The following DSTYK variants were observed in gnomAD, a reference collection of about 807,000 sequenced individuals.
DSTYK encodes the protein dual serine/threonine and tyrosine protein kinase.
DSTYK carries 34 observed loss-of-function variants against 98.7 expected under a neutral mutation model. The ratio of observed to expected loss-of-function variants is 0.34; its 90% confidence interval spans 0.26 to 0.46. The LOEUF (loss-of-function observed/expected upper bound fraction) is 0.46. DSTYK is among the 20% of genes least tolerant of loss of function. The pLI, the probability that DSTYK is intolerant of heterozygous loss-of-function variation, is 1.00. For missense variants in DSTYK, 962 were observed against 1,181.7 expected, an observed-to-expected ratio of 0.81 and a Z score of 2.73; for synonymous variants, 462 against 457.3, an observed-to-expected ratio of 1.01 and a Z score of -0.13.
intron 5 of DSTYK, 134 bp from the exon 6 acceptor site, chr1:205,162,346 A>G: frequency 9.3e-7 from 1 of 1,077,026 alleles, no homozygotes. Context: ...ACGAAGTCCA[A>G]AGTTCCTTTC....
At chr1:205,152,090 C>T (rs188869728) in intron 10 of DSTYK, among the ~76,000 whole-genome samples, 7 of 152,302 alleles carry the variant, frequency 4.6e-5, no homozygotes, top group Admixed American at 3.3e-4. Flanking sequence ...ACACGAGCAT[C>T]ACATGTGTAT....
At chr1:205,159,804 G>C in intron 8 of DSTYK, 125 bp from the exon 9 acceptor site, 1 of 1,224,358 alleles carries the variant, frequency 8.2e-7, no homozygotes, top group Non-Finnish European at 1.1e-6. Flanking sequence ...ATGGCCCTCA[G>C]TGCAGACAGA....
At chr1:205,164,607 A>G (rs1361537285) in intron 3 of DSTYK, among the ~76,000 whole-genome samples, 1 of 151,768 alleles carries the variant, frequency 6.6e-6, no homozygotes. Context: ...GACTACAGGC[A>G]CCCGCCACCA....
chr1:205,205,442 TTTA>T (rs771946448), intron 1 of DSTYK, among the ~76,000 whole-genome samples: 14 of 151,964 alleles, frequency 9.2e-5, no homozygotes, highest in Admixed American at 9.2e-4. Flanking sequence ...TTTATTTTAT[TTTA>T]TTATTATTAT....
chr1:205,185,462 C>T (rs1658534541), intron 2 of DSTYK, among the ~76,000 whole-genome samples: 1 of 152,048 alleles, frequency 6.6e-6, no homozygotes, highest in Non-Finnish European at 1.5e-5. Flanking sequence ...ATCCTCATGC[C>T]TCAGTCTCCC....
Position 205,169,128 on chromosome 1 carries a change from C to T in DSTYK, c.1324+35G>A, listed in dbSNP as rs368565285. On this transcript the variant is annotated intron_variant, in intron 3 of 12. Coordinates refer to ENST00000367162, the MANE Select transcript of DSTYK (RefSeq NM_015375.3). This position sits in a 1 kb window ranked among gnomAD's most constrained non-coding sequence, Gnocchi z 4.0. The stretch of plus-strand genomic sequence containing the variant: ...CTAGAAAATGGTTAGAGACTCCTCC[C>T]GTGCCAGCACCCCAACAAGCTCTCT... The T allele has an allele frequency of 3.9e-5, 60 of 1,525,072 alleles. No individual in the cohort carries two copies. The highest frequency in any genetic ancestry group is 1.2e-4 in the Admixed American group (6 of 49,376). The allele number at this position is 1,525,072 out of a possible 1,614,324, so 94.5% of individuals were successfully genotyped here.
chr1:205,180,260 C>T (rs1238101609), intron 2 of DSTYK, among the ~76,000 whole-genome samples: 1 of 152,054 alleles, frequency 6.6e-6, no homozygotes, highest in Non-Finnish European at 1.5e-5. Context: ...CTCTCCCTCC[C>T]CTTTCCCCCC....
chr1:205,190,925 A>G (rs562508850), intron 1 of DSTYK, among the ~76,000 whole-genome samples: 2 of 152,352 alleles, frequency 1.3e-5, no homozygotes, highest in South Asian at 4.1e-4. Flanking sequence ...AAAACCGACT[A>G]AATCACTTTT....
At chr1:205,165,851 T>TGGTGTGATGGTGCACACCTTTAGACCCA (rs1216577659) in intron 3 of DSTYK, among the ~76,000 whole-genome samples, 2 of 152,078 alleles carry the variant, frequency 1.3e-5, no homozygotes, top group Admixed American at 6.6e-5. Flanking sequence ...ACAGGTATGA[T>TGGTGTGATGGTGCACACCTTTAGACCCA]GGTGTGATGG....
intron 2 of DSTYK, among the ~76,000 whole-genome samples, chr1:205,179,463 A>AC (rs1658329166): frequency 1.3e-5 from 2 of 151,908 alleles, no homozygotes; most frequent in South Asian, 4.2e-4. Flanking sequence ...TACTAAAAAT[A>AC]TAAAAAAATT....
At chr1:205,165,145 G>C (rs1450443536) in intron 3 of DSTYK, among the ~76,000 whole-genome samples, 2 of 152,166 alleles carry the variant, frequency 1.3e-5, no homozygotes, top group African/African-American at 4.8e-5. Flanking sequence ...CTAGGCTGGA[G>C]TGCAGTGGCA....
chr1:205,199,645 G>T (rs1242084599), intron 1 of DSTYK, among the ~76,000 whole-genome samples: 1 of 152,112 alleles, frequency 6.6e-6, no homozygotes, highest in Non-Finnish European at 1.5e-5. Context: ...CGGCACTCCA[G>T]TCAGAGCTCT....
At chr1:205,202,197 C>T (rs993040375) in intron 1 of DSTYK, 29 of 565,616 alleles carry the variant, frequency 5.1e-5, no homozygotes, top group Admixed American at 2.8e-4. Flanking sequence ...GAAAATGGTT[C>T]GCTATTCACT....
At chr1:205,187,879 GACTC>G in intron 1 of DSTYK, 73 bp from the exon 2 acceptor site, 1 of 1,330,878 alleles carries the variant, frequency 7.5e-7, no homozygotes, top group Non-Finnish European at 1.0e-6. Flanking sequence ...GAGAGAGAGA[GACTC>G]ACGCAGAAAT....
At chr1:205,148,078 G>A (rs1657295986) in intron 12 of DSTYK, 127 bp downstream of exon 12, 1 of 1,152,314 alleles carries the variant, frequency 8.7e-7, no homozygotes, top group African/African-American at 1.5e-5. Context: ...ATTCATGACA[G>A]TTTAAACGTA....
At chr1:205,185,624 A>G (rs985685548) in intron 2 of DSTYK, among the ~76,000 whole-genome samples, 1 of 152,266 alleles carries the variant, frequency 6.6e-6, no homozygotes, top group African/African-American at 2.4e-5. Context: ...ATCAGTATGT[A>G]TTGCAGAAAG....
At chr1:205,181,653 GGTTT>G (rs781661003) in intron 2 of DSTYK, among the ~76,000 whole-genome samples, 999 of 84,040 alleles carry the variant, frequency 0.012, 15 homozygotes, top group African/African-American at 0.03. Context: ...CAGATGTTGG[GGTTT>G]GTGTGTGTGT....
chr1:205,194,322 G>A (rs1026559200), intron 1 of DSTYK, among the ~76,000 whole-genome samples: 3 of 152,106 alleles, frequency 2.0e-5, no homozygotes, highest in African/African-American at 4.8e-5. Context: ...ATACATACTC[G>A]TGAAAGGTAA....
chr1:205,190,541 G>A (rs766206883), intron 1 of DSTYK, among the ~76,000 whole-genome samples: 16 of 150,988 alleles, frequency 1.1e-4, no homozygotes, highest in South Asian at 6.3e-4. Flanking sequence ...GCTTTAACCC[G>A]GGAAGCGGAG....
Sources: gnomAD v4.1 joint callset for allele counts (sites outside exome capture counted in the v4.1 genomes callset) on GRCh38, gnomAD v4.1.1 for gene constraint, Gnocchi (gnomAD v3.1) non-coding constraint, MANE v1.5 for transcripts, NCBI Gene and HGNC (gene_info 2026-07-23, HGNC 2026-07-21) for gene names.